The following C5orf24 variants were observed in gnomAD, a reference collection of about 807,000 sequenced individuals.
C5orf24 encodes the protein chromosome 5 open reading frame 24, also known as UPF0461 protein C5orf24.
In C5orf24, 4 loss-of-function variants were observed where a neutral mutation model predicts 9.8. The ratio of observed to expected loss-of-function variants is 0.41; its 90% CI spans 0.20 to 0.93. C5orf24 has a LOEUF of 0.93. Among genes scored for constraint, C5orf24 ranks in the 40% least tolerant of loss-of-function variants. C5orf24 has a pLI of 0.33. For missense variants in C5orf24, 170 were observed against 236.9 expected, an observed-to-expected ratio of 0.72 and a Z score of 1.85; for synonymous variants, 73 against 81.3, an observed-to-expected ratio of 0.90 and a Z score of 0.55.
Position 134,857,446 on chromosome 5 carries a change from A to C in C5orf24, c.*1979A>C. 1 of 1,535,170 alleles carries C rather than the reference A, an allele frequency of 6.5e-7. No homozygotes were observed. Among genetic ancestry groups the C allele is most frequent in the Non-Finnish European group, 8.8e-7 (1 of 1,137,554 alleles). ...TGCTCTTTACAGTAAGAGGTGTTGCATTGTATGTGGGGACTATGTGCACTG... is the reference window on the plus strand; with the variant it reads ...TGCTCTTTACAGTAAGAGGTGTTGCCTTGTATGTGGGGACTATGTGCACTG... On this transcript the variant is annotated 3_prime_UTR_variant, in exon 2 of 2. Transcript: ENST00000394976.
Position 134,855,688 on chromosome 5 carries a change from A to C in C5orf24, c.*221A>C, listed in dbSNP as rs1756292741. On this transcript the variant is annotated 3_prime_UTR_variant, in exon 2 of 2. Transcript: ENST00000394976. Reference sequence around the variant, plus strand: ...ATTTGTACATAGGTTCAAGTGTAACACCTAACTAAATCATTTTTCCTTTTC... The same window carrying C: ...ATTTGTACATAGGTTCAAGTGTAACCCCTAACTAAATCATTTTTCCTTTTC... The C allele has an allele frequency of 1.1e-5, 15 of 1,418,932 alleles. No homozygotes were observed. The highest frequency in any genetic ancestry group is 2.6e-4 in the Middle Eastern group (1 of 3,804). The allele number at this position is 1,418,932 out of a possible 1,614,324, so 87.9% of individuals were successfully genotyped here. A position where few individuals can be genotyped will look rare whatever the true frequency, so the allele number is the denominator to read the frequency against.
chr5:134,857,094 C>A lies in C5orf24; in HGVS notation c.*1627C>A. The A allele has an allele frequency of 8.5e-7, 1 of 1,178,912 alleles. No homozygotes were observed. Among genetic ancestry groups the A allele is most frequent in the Non-Finnish European group, 1.1e-6 (1 of 940,416 alleles). 73.0% of individuals were successfully genotyped at this position (1,178,912 alleles called of 1,614,324 possible). On this transcript the variant is annotated 3_prime_UTR_variant, in exon 2 of 2. Coordinates refer to ENST00000394976, the MANE Select transcript of C5orf24 (RefSeq NM_001135586.1). ...TCTTTCCTTTCTGAAAGTAATACTTCTTGTTACACATTTTATTTATTGAGT... is the reference window on the plus strand; with the variant it reads ...TCTTTCCTTTCTGAAAGTAATACTTATTGTTACACATTTTATTTATTGAGT...
chr5:134,845,061 T>C (rs1239459326), upstream of C5orf24, among the ~76,000 whole-genome samples: 1 of 152,206 alleles, frequency 6.6e-6, no homozygotes, highest in Admixed American at 6.5e-5. Flanking sequence ...TTGGTGTAGG[T>C]TTGATCAACT....
rs1381021713 is a variant in C5orf24 at position 134,859,454 on chromosome 5, A to G, written c.*3987A>G. On this transcript the variant is annotated 3_prime_UTR_variant, in exon 2 of 2. Transcript: ENST00000394976. ...AAATTTAATGCTATATAGTAAATCA[A>G]GTGTGTGATTTAAAGTAATCAGATC... 1 of 166,980 alleles carries G rather than the reference A, an allele frequency of 6.0e-6. No homozygotes were observed. Among genetic ancestry groups the G allele is most frequent in the Non-Finnish European group, 1.5e-5 (1 of 68,120 alleles). 10.3% of individuals were successfully genotyped at this position (166,980 alleles called of 1,614,324 possible).
chr5:134,850,073 C>T (rs1235679149), intron 1 of C5orf24, among the ~76,000 whole-genome samples: 2 of 152,070 alleles, frequency 1.3e-5, no homozygotes, highest in Non-Finnish European at 2.9e-5. Context: ...TATGTCAGAA[C>T]TAAATTTACA....
Position 134,856,842 on chromosome 5 carries a change from C to G in C5orf24, c.*1375C>G, listed in dbSNP as rs1406823937. On this transcript the variant is annotated 3_prime_UTR_variant, in exon 2 of 2. Transcript: ENST00000394976. ...ACTGGTATAAACAGAATGCAGTTTC[C>G]CGACCATCAGAACCCAAATATTAAG... 2.0e-6 allele frequency: 2 copies of G among 1,000,028 alleles called. No individual in the cohort carries two copies. The highest frequency in any genetic ancestry group is 2.4e-6 in the Non-Finnish European group (2 of 830,076). The allele number at this position is 1,000,028 out of a possible 1,614,324, so 61.9% of individuals were successfully genotyped here.
At chr5:134,852,980 A>G (rs1238395104) in intron 1 of C5orf24, among the ~76,000 whole-genome samples, 1 of 152,156 alleles carries the variant, frequency 6.6e-6, no homozygotes, top group African/African-American at 2.4e-5. Context: ...CCTGGCTAAC[A>G]CGGTGAAACC....
chr5:134,846,455 A>C (rs1056181052), intron 1 of C5orf24: 1 of 152,296 alleles, frequency 6.6e-6, no homozygotes, highest in African/African-American at 2.4e-5. Context: ...CAGAATCCGC[A>C]GTCCGCCCTT....
At chr5:134,848,235 T>C (rs1354695487) in intron 1 of C5orf24, among the ~76,000 whole-genome samples, 7 of 151,156 alleles carry the variant, frequency 4.6e-5, no homozygotes, top group African/African-American at 1.7e-4. Flanking sequence ...GGCGAGAACC[T>C]GGGAGGCGTA....
In C5orf24 at chr5:134,858,993, A is replaced by T. The variant is rs1429960847; in HGVS notation, c.*3526A>T. The T allele has an allele frequency of 6.0e-6, 1 of 166,942 alleles. No individual in the cohort carries two copies. The highest frequency in any genetic ancestry group is 1.5e-5 in the Non-Finnish European group (1 of 68,048). 10.3% of individuals were successfully genotyped at this position (166,942 alleles called of 1,614,324 possible). ...TACATGTCTATTTTCATGAACTAAG[A>T]ATAGAGTTTCTTTGAGTTGAGGAGA... On this transcript the variant is annotated 3_prime_UTR_variant, in exon 2 of 2. Transcript: ENST00000394976.
At position 134,854,370 on chromosome 5, in the gene C5orf24, C is replaced by T. The variant is rs145113836; in HGVS notation, c.-3-528C>T. ...TCTTTTGTGAAGTGTAACATATACT[C>T]AGGGTTCTGTATAAATAATAAATTA... is the stretch of plus-strand genomic sequence containing the variant. On this transcript the variant is annotated intron_variant, in intron 1 of 1. Transcript: ENST00000394976. 3.4e-4 allele frequency among the ~76,000 whole-genome samples: 52 copies of T among 152,216 alleles called. No homozygotes were observed. In the East Asian group the frequency reaches 9.8e-3, roughly 29 times the overall value.
rs1169153724 is a variant in C5orf24, at chr5:134,846,115, A to C, written c.-101A>C. On this transcript the variant is annotated 5_prime_UTR_variant, in exon 1 of 2. Transcript: ENST00000394976. ...TCTTGGCCCGTTCTCCGCACCGTGC[A>C]GAGGCGGCGGGCTGGGGAGGGAGCG... The C allele has an allele frequency of 6.6e-6, 1 of 152,224 alleles. No homozygotes were observed. 9.4% of individuals were successfully genotyped at this position (152,224 alleles called of 1,614,324 possible).
At chr5:134,854,781 T>TA in intron 1 of C5orf24, 117 bp from the exon 2 acceptor site, 6 of 1,124,952 alleles carry the variant, frequency 5.3e-6, no homozygotes, top group African/African-American at 1.6e-5. Context: ...CCTGTTAGCC[T>TA]AATTTTATGT....
At chr5:134,854,049 C>T (rs934031025) in intron 1 of C5orf24, among the ~76,000 whole-genome samples, 4 of 152,168 alleles carry the variant, frequency 2.6e-5, no homozygotes, top group African/African-American at 7.2e-5. Flanking sequence ...CACTGCACTC[C>T]AGCCTGGGTG....
At chr5:134,841,621 TC>T (rs1330949915), upstream of C5orf24, among the ~76,000 whole-genome samples, 1 of 152,162 alleles carries the variant, frequency 6.6e-6, no homozygotes, top group Non-Finnish European at 1.5e-5. Context: ...TGCTAAATTA[TC>T]CTCATGTGTT....
At position 134,852,097 on chromosome 5, in the gene C5orf24, C is replaced by T. The variant is rs567856474; in HGVS notation, c.-3-2801C>T. Among the ~76,000 whole-genome samples the T allele has an allele frequency of 7.2e-5, 11 of 152,332 alleles. No homozygotes were observed. In the East Asian group the frequency reaches 1.9e-3, roughly 27 times the overall value. On this transcript the variant is annotated intron_variant, in intron 1 of 1. Coordinates refer to ENST00000394976, the MANE Select transcript of C5orf24 (RefSeq NM_001135586.1). ...CTGGGACTACAGGCACGTGCCATCA[C>T]GCCCAGCTAATTTTTTGTATTTTTA...
chr5:134,850,935 T>TAC (rs1442847589), intron 1 of C5orf24, among the ~76,000 whole-genome samples: 7 of 147,418 alleles, frequency 4.7e-5, no homozygotes, highest in South Asian at 2.1e-4. Context: ...TATATATATA[T>TAC]ATACACACAC....
At chr5:134,839,635 A>G in the C5orf24 span, among the ~76,000 whole-genome samples, 1 of 151,678 alleles carries the variant, frequency 6.6e-6, no homozygotes, top group Non-Finnish European at 1.5e-5. Context: ...GACTGGAAAG[A>G]GGATGCTGTT....
At position 134,846,121 on chromosome 5, in the gene C5orf24, G is replaced by A. The variant is rs1755986144; in HGVS notation, c.-95G>A. On this transcript the variant is annotated 5_prime_UTR_variant, in exon 1 of 2. Coordinates refer to ENST00000394976, the MANE Select transcript of C5orf24 (RefSeq NM_001135586.1). ...CCCGTTCTCCGCACCGTGCAGAGGC[G>A]GCGGGCTGGGGAGGGAGCGGCGCCA... 6.6e-6 allele frequency: 1 copy of A among 152,426 alleles called. No homozygotes were observed. Among genetic ancestry groups the A allele is most frequent in the African/African-American group, 2.4e-5 (1 of 41,576 alleles). 9.4% of individuals were successfully genotyped at this position (152,426 alleles called of 1,614,324 possible).
Sources: gnomAD v4.1 joint callset for allele counts (sites outside exome capture counted in the v4.1 genomes callset) on GRCh38, gnomAD v4.1.1 for gene constraint, MANE v1.5 for transcripts, NCBI Gene and HGNC (gene_info 2026-07-23, HGNC 2026-07-21) for gene names.